XKRX: variants seen among roughly 807,000 people sequenced by gnomAD.
XKRX encodes the protein XK related X-linked.
In XKRX, 11 loss-of-function variants were observed where a neutral mutation model predicts 22.4. The ratio of observed to expected loss-of-function variants is 0.49; its 90% CI spans 0.31 to 0.81. The LOEUF is 0.81. Ranked by LOEUF, XKRX falls within the 40% of genes least tolerant of loss-of-function variation. XKRX has a pLI of 0.05. For synonymous variants in XKRX, 114 were observed against 132.2 expected (o/e 0.86, Z 0.94); for missense variants, 320 against 336.5 (o/e 0.95, Z 0.38).
At chrX:100,928,939 T>C (rs1453574305), upstream of XKRX, 3 of 603,790 alleles carry the variant, frequency 5.0e-6, no homozygotes, top group African/African-American at 7.5e-5. Flanking sequence ...GTTCTCAGGA[T>C]AGCTCCTCGG....
chrX:100,915,278 C>T (rs1329812317), intron 2 of XKRX, among the ~76,000 whole-genome samples, 195 bp from the exon 3 acceptor site: 1 of 110,768 alleles, frequency 9.0e-6, no homozygotes, highest in East Asian at 2.8e-4. Context: ...AGGCGGTATA[C>T]AAACGGCCAA....
chrX:100,902,844 G>C, the XKRX span, among the ~76,000 whole-genome samples: 3 of 108,973 alleles, frequency 2.8e-5, no homozygotes, highest in East Asian at 8.7e-4. Context: ...TCCGCCTCCA[G>C]GGTTCACGCC....
chrX:100,930,086 C>T (rs1164776268), upstream of XKRX, among the ~76,000 whole-genome samples: 2 of 109,059 alleles, frequency 1.8e-5, no homozygotes, highest in African/African-American at 3.3e-5. Context: ...GTCAGGAGTT[C>T]GAAACCAGCC....
the XKRX span, among the ~76,000 whole-genome samples, chrX:100,935,069 T>C: frequency 1.8e-5 from 2 of 112,188 alleles, no homozygotes; most frequent in Non-Finnish European, 3.8e-5. Context: ...TCACTTTTCT[T>C]CTTTTTTACT....
chrX:100,926,692 T>C (rs1238062426), intron 1 of XKRX, among the ~76,000 whole-genome samples: 2 of 111,526 alleles, frequency 1.8e-5, no homozygotes, highest in Non-Finnish European at 3.8e-5. Context: ...GAAAACCCCA[T>C]AGCATCCAGA....
At chrX:100,954,264 C>T in the XKRX span, among the ~76,000 whole-genome samples, 2 of 110,798 alleles carry the variant, frequency 1.8e-5, no homozygotes, top group Non-Finnish European at 3.8e-5. Flanking sequence ...ACTAAAAATA[C>T]AAAACTTAGC....
At chrX:100,910,585 TAA>T (rs36011977), downstream of XKRX, 1,310 of 146,219 alleles carry the variant, frequency 9.0e-3, no homozygotes, top group Middle Eastern at 0.014. Flanking sequence ...AATTCCGTCT[TAA>T]AAAAAAAAAA....
chrX:100,930,720 C>A (rs1428734153), upstream of XKRX, among the ~76,000 whole-genome samples: 1 of 111,077 alleles, frequency 9.0e-6, no homozygotes, highest in Non-Finnish European at 1.9e-5. Context: ...TCTCCACCAC[C>A]AGTATATGGT....
At chrX:100,930,541 T>G (rs765848718), upstream of XKRX, among the ~76,000 whole-genome samples, 24 of 110,958 alleles carry the variant, frequency 2.2e-4, no homozygotes, top group Non-Finnish European at 4.3e-4. Flanking sequence ...CTAAAGGTTG[T>G]CACCTTCTGA....
At chrX:100,895,558 G>A in the XKRX span, among the ~76,000 whole-genome samples, 4 of 111,857 alleles carry the variant, frequency 3.6e-5, no homozygotes, top group Admixed American at 9.5e-5. Flanking sequence ...ACAAGATGGC[G>A]AGAGCTCCAA....
At chrX:100,894,555 G>T in the XKRX span, among the ~76,000 whole-genome samples, 1 of 111,283 alleles carries the variant, frequency 9.0e-6, no homozygotes, top group Non-Finnish European at 1.9e-5. Context: ...TGGCAGGGGA[G>T]TAATCAGCCT....
chrX:100,888,244 A>G, the XKRX span: 2 of 854,388 alleles, frequency 2.3e-6, no homozygotes, highest in Non-Finnish European at 3.4e-6. Context: ...GATGTTTTTC[A>G]GTGTTTTCTT....
At chrX:100,957,524 C>T in the XKRX span, 6 of 1,149,332 alleles carry the variant, frequency 5.2e-6, no homozygotes, top group Admixed American at 6.8e-5. Context: ...GGACAAACAG[C>T]GAAGCTGTTG....
At chrX:100,897,563 C>CAA in the XKRX span, among the ~76,000 whole-genome samples, 1 of 57,014 alleles carries the variant, frequency 1.8e-5, no homozygotes, top group East Asian at 5.0e-4. Flanking sequence ...CCAGCCTGGG[C>CAA]AAAAAAAAAA....
chrX:100,891,762 GA>G, the XKRX span, among the ~76,000 whole-genome samples: 878 of 19,379 alleles, frequency 0.045, 31 homozygotes, highest in African/African-American at 0.15. Context: ...GAAGAAAGAA[GA>G]AAAGAAAGAA....
chrX:100,917,674 A>AAAAGAAAGAAAGAAAGAAAG (rs1556193930), intron 2 of XKRX, among the ~76,000 whole-genome samples: 281 of 25,391 alleles, frequency 0.011, 14 homozygotes, highest in Middle Eastern at 0.061. Context: ...AGAAAGAAAG[A>AAAAGAAAGAAAGAAAGAAAG]AAAGAAAGAA....
chrX:100,928,782 C>A lies in XKRX; in HGVS notation c.-478G>T. On this transcript the variant is annotated 5_prime_UTR_variant, in exon 1 of 3. Transcript: ENST00000372956. Reference sequence around the variant, plus strand: ...TGTGTCCTCTCAAGTCAGCGGAGAGCTGAGCCAGGGCAGAAGAGCGGGCGC... The same window carrying A: ...TGTGTCCTCTCAAGTCAGCGGAGAGATGAGCCAGGGCAGAAGAGCGGGCGC... 1.3e-6 allele frequency: 1 copy of A among 758,628 alleles called. No individual in the cohort carries two copies. Among genetic ancestry groups the A allele is most frequent in the African/African-American group, 2.3e-5 (1 of 43,971 alleles). The allele number at this position is 758,628 out of a possible 1,213,427, so 62.5% of individuals were successfully genotyped here. A position where few individuals can be genotyped will look rare whatever the true frequency, so the allele number is the denominator to read the frequency against.
chrX:100,956,676 A>G, the XKRX span: 1 of 550,433 alleles, frequency 1.8e-6, no homozygotes, highest in Non-Finnish European at 3.3e-6. Flanking sequence ...GCCCTTTTGG[A>G]CCTCTCATGA....
At chrX:100,908,941 C>A (rs2085397756), downstream of XKRX, among the ~76,000 whole-genome samples, 1 of 111,177 alleles carries the variant, frequency 9.0e-6, no homozygotes, top group African/African-American at 3.3e-5. Flanking sequence ...CTATTCTCTA[C>A]TGTCCACTTC....
Sources: allele counts gnomAD v4.1 joint callset (sites outside exome capture counted in the v4.1 genomes callset), GRCh38; gene constraint gnomAD v4.1.1; transcripts MANE v1.5; gene names NCBI Gene and HGNC (gene_info 2026-07-23, HGNC 2026-07-21).